SBNO1: variants seen among roughly 807,000 people sequenced by gnomAD.
SBNO1 encodes the protein strawberry notch homolog 1.
SBNO1 carries 23 observed loss-of-function variants against 173.6 expected under a neutral mutation model. The ratio of observed to expected loss-of-function variants is 0.13; its 90% CI spans 0.10 to 0.19. SBNO1 has a LOEUF of 0.19. SBNO1 is among the 10% of genes least tolerant of loss of function. The pLI, the probability that SBNO1 is intolerant of heterozygous loss-of-function variation, is 1.00. For synonymous variants in SBNO1, 632 were observed against 571.5 expected (o/e 1.11, Z -1.51); for missense variants, 1,238 against 1,671.2 (o/e 0.74, Z 4.52).
chr12:123,328,328 A>C (rs2138993335), intron 10 of SBNO1, among the ~76,000 whole-genome samples: 1 of 152,346 alleles, frequency 6.6e-6, no homozygotes, highest in South Asian at 2.1e-4. Context: ...CATGATTGGT[A>C]ACCAACTTAA....
chr12:123,349,852 G>A (rs899508995), intron 2 of SBNO1, among the ~76,000 whole-genome samples: 5 of 152,108 alleles, frequency 3.3e-5, no homozygotes, highest in African/African-American at 1.2e-4. Context: ...GGCAGAGGTT[G>A]CAGTGAGCTG....
Position 123,364,781 on chromosome 12 carries a change from C to G in SBNO1, c.-81G>C. The G allele has an allele frequency of 2.0e-6, 2 of 987,412 alleles. No homozygotes were observed. The highest frequency in any genetic ancestry group is 2.4e-6 in the Non-Finnish European group (2 of 831,528). The allele number at this position is 987,412 out of a possible 1,614,324, so 61.2% of individuals were successfully genotyped here. ...GGACCAGAGGCGACTGGAGCGGAGGCGGCGGTGGCGGCGGCAGCAGCGGCG... is the reference window on the plus strand; with the variant it reads ...GGACCAGAGGCGACTGGAGCGGAGGGGGCGGTGGCGGCGGCAGCAGCGGCG... On this transcript the variant is annotated 5_prime_UTR_variant, in exon 1 of 32. Transcript: ENST00000602398.
rs768462491 is a variant in SBNO1, at chr12:123,320,047, A to G, written c.2668-16T>C. The G allele has an allele frequency of 1.9e-6, 3 of 1,613,586 alleles. No homozygotes were observed. Among genetic ancestry groups the G allele is most frequent in the Admixed American group, 1.7e-5 (1 of 59,936 alleles). The stretch of plus-strand genomic sequence containing the variant: ...GGCCAGTCATCTGAGAAGCCAAACA[A>G]TGTCATTACAATGAAGGTATCTGAC... On this transcript the variant is annotated splice_polypyrimidine_tract_variant and intron_variant, in intron 19 of 31. Transcript: ENST00000602398.
At chr12:123,311,215 G>T in intron 24 of SBNO1, 86 bp from the exon 25 acceptor site, 1 of 942,804 alleles carries the variant, frequency 1.1e-6, no homozygotes, top group Non-Finnish European at 1.7e-6. Flanking sequence ...GTTGTAAGTA[G>T]TATCATGCCA....
In SBNO1 at chr12:123,320,520, T is replaced by C. The variant is rs1869829324; in HGVS notation, c.2579A>G (p.Asp860Gly). ...RAQQMKKDLL[D>G]KLEKLAEDLP... ...GTCTTCAGCTAATTTTTCTAGCTTA[T>C]CAAGCAGGTCTTTCTTCATCTGCTG... The change falls in exon 19 of 32, where the codon GAT becomes GGT. Residue 860 changes from aspartate (D) to glycine (G), a missense_variant. By Grantham distance (94) the Asp-to-Gly change is moderately conservative (BLOSUM62 -1). Around this residue, in one of 14 missense-constraint regions of SBNO1, gnomAD observed 74 missense variants for 68.5 expected, o/e 1.08. Transcript: ENST00000602398. The C allele has an allele frequency of 1.9e-6, 3 of 1,614,150 alleles. No individual in the cohort carries two copies. The highest frequency in any genetic ancestry group is 2.5e-6 in the Non-Finnish European group (3 of 1,179,994).
At chr12:123,300,659 A>G (rs2048757057) in intron 30 of SBNO1, among the ~76,000 whole-genome samples, 1 of 150,960 alleles carries the variant, frequency 6.6e-6, no homozygotes, top group African/African-American at 2.4e-5. Context: ...CTCCATCTCA[A>G]AAAAAAGAAA....
At chr12:123,302,589 C>T (rs1213180327) in intron 30 of SBNO1, among the ~76,000 whole-genome samples, 1 of 152,120 alleles carries the variant, frequency 6.6e-6, no homozygotes, top group Non-Finnish European at 1.5e-5. Flanking sequence ...TAAGGTCATG[C>T]TGCCAGACAA....
At chr12:123,313,890 A>G (rs1868935029) in intron 23 of SBNO1, among the ~76,000 whole-genome samples, 171 bp from the exon 24 acceptor site, 1 of 152,020 alleles carries the variant, frequency 6.6e-6, no homozygotes, top group African/African-American at 2.4e-5. Context: ...GGAGTTCAAG[A>G]CCAACCTGAC....
chr12:123,311,843 C>T (rs1161719522), intron 24 of SBNO1, among the ~76,000 whole-genome samples: 4 of 151,424 alleles, frequency 2.6e-5, no homozygotes, highest in African/African-American at 9.7e-5. Context: ...TCAAGGGATC[C>T]TCCCACCTCA....
At chr12:123,336,590 A>C (rs1593385155) in intron 5 of SBNO1, 99 bp from the exon 6 acceptor site, 1 of 720,040 alleles carries the variant, frequency 1.4e-6, no homozygotes, top group East Asian at 2.8e-5. Flanking sequence ...ACAAATTTCC[A>C]TCATGGAAAC....
rs777542190 is a variant in SBNO1, at chr12:123,315,624, T to G, written c.2972A>C (p.Glu991Ala). The G allele has an allele frequency of 1.9e-6, 3 of 1,613,766 alleles. No individual in the cohort carries two copies. In the African/African-American group the frequency reaches 4.0e-5, roughly 22 times the overall value. Reference protein sequence around the residue: ...THRSNQVTAPEYVFLISELAG... With the variant: ...THRSNQVTAPAYVFLISELAG... ...CAGTTCAGATATCAGAAAGACATAC[T>G]CAGGAGCAGTAACTTGGTTTGATCT... Residue 991 changes from glutamate (E) to alanine (A), a missense_variant, in exon 22 of 32, where the codon GAG becomes GCG. Around this residue, in one of 14 missense-constraint regions of SBNO1, gnomAD observed 39 missense variants for 129.7 expected, o/e 0.30. Transcript: ENST00000602398.
chr12:123,292,143 C>G lies in SBNO1; in HGVS notation c.*3765G>C, dbSNP rs530385213. ...CAGGTGTGGTGTTAGCCAGGGAGACCGAAGCCACACAGAAGGGGAGTCAGT... is the reference window on the plus strand; with the variant it reads ...CAGGTGTGGTGTTAGCCAGGGAGACGGAAGCCACACAGAAGGGGAGTCAGT... On this transcript the variant is annotated 3_prime_UTR_variant, in exon 32 of 32. Transcript: ENST00000602398. The G allele has an allele frequency of 6.6e-6, 1 of 151,996 alleles. No homozygotes were observed. The highest frequency in any genetic ancestry group is 1.5e-5 in the Non-Finnish European group (1 of 68,024). The allele number at this position is 151,996 out of a possible 1,614,324, so 9.4% of individuals were successfully genotyped here. A position where few individuals can be genotyped will look rare whatever the true frequency, so the allele number is the denominator to read the frequency against.
At chr12:123,346,766 A>C (rs1873205659) in intron 3 of SBNO1, among the ~76,000 whole-genome samples, 1 of 151,950 alleles carries the variant, frequency 6.6e-6, no homozygotes, top group South Asian at 2.1e-4. Flanking sequence ...ATCTTCACGT[A>C]CAAATCTGTT....
At chr12:123,314,016 G>A (rs1365069827) in intron 23 of SBNO1, among the ~76,000 whole-genome samples, 2 of 151,820 alleles carry the variant, frequency 1.3e-5, no homozygotes, top group African/African-American at 4.8e-5. Context: ...CCTAGGAGGC[G>A]GAGGTTGTAG....
chr12:123,329,850 G>A (rs1262858136), intron 9 of SBNO1, among the ~76,000 whole-genome samples: 1 of 152,148 alleles, frequency 6.6e-6, no homozygotes, highest in African/African-American at 2.4e-5. Flanking sequence ...CCAACAATTG[G>A]TGCATGCATA....
chr12:123,316,473 C>G (rs537017792), intron 21 of SBNO1, among the ~76,000 whole-genome samples: 45 of 152,256 alleles, frequency 3.0e-4, no homozygotes, highest in African/African-American at 1.0e-3. Context: ...ATCCACCCAC[C>G]TCAGCCTGCC....
intron 30 of SBNO1, 44 bp from the exon 31 acceptor site, chr12:123,298,215 C>T: frequency 1.3e-6 from 2 of 1,500,502 alleles, no homozygotes; most frequent in South Asian, 2.4e-5. Context: ...TCTATATATG[C>T]ACACAGACAC....
At chr12:123,359,869 G>A (rs903614807) in intron 1 of SBNO1, among the ~76,000 whole-genome samples, 1 of 152,074 alleles carries the variant, frequency 6.6e-6, no homozygotes, top group African/African-American at 2.4e-5. Context: ...TAAAAACAAA[G>A]ACAACTGCAA....
At position 123,309,591 on chromosome 12, in the gene SBNO1, A is replaced by C. The variant is rs1384872097; in HGVS notation, c.3443-8T>G. 1 of 1,611,116 alleles carries C rather than the reference A, an allele frequency of 6.2e-7. No individual in the cohort carries two copies. The highest frequency in any genetic ancestry group is 1.7e-5 in the Admixed American group (1 of 59,828). On this transcript the variant is annotated splice_polypyrimidine_tract_variant and splice_region_variant and intron_variant, in intron 26 of 31. Transcript: ENST00000602398. ...CATCTCCAGAACCAAGATCTTGAAC[A>C]AGAAAAAGAAACATGTAAATGTAAA...
Sources: allele counts gnomAD v4.1 joint callset (sites outside exome capture counted in the v4.1 genomes callset), GRCh38; gene constraint gnomAD v4.1.1; regional missense constraint gnomAD v4.1.1; transcripts MANE v1.5; gene names NCBI Gene and HGNC (gene_info 2026-07-23, HGNC 2026-07-21).